Variants in POLD3 observed in about 807,000 individuals in gnomAD.
POLD3 encodes DNA polymerase delta 3, accessory subunit.
A neutral mutation model predicts 58.2 loss-of-function variants in POLD3; 19 were observed. The ratio of observed to expected loss-of-function variants is 0.33; its 90% CI spans 0.23 to 0.48. The LOEUF is 0.48. Among genes scored for constraint, POLD3 ranks in the 20% least tolerant of loss-of-function variants. The probability of loss-of-function intolerance (pLI) is 0.99; values close to 1 mark genes in which losing one functional copy is unlikely to be tolerated. For missense variants in POLD3, 504 were observed against 545.5 expected (o/e 0.92, Z 0.76); for synonymous variants, 172 against 193.5 (o/e 0.89, Z 0.92).
intron 1 of POLD3, 109 bp from the exon 2 acceptor site, chr11:74,593,952 G>T (rs2031128905): frequency 1.5e-6 from 1 of 645,268 alleles, no homozygotes; most frequent in Admixed American, 2.8e-5. Context: ...ATTGTAATTT[G>T]TAAGGCATAA....
chr11:74,628,424 G>A (rs1027656709), intron 8 of POLD3, among the ~76,000 whole-genome samples: 1 of 152,038 alleles, frequency 6.6e-6, no homozygotes, highest in Non-Finnish European at 1.5e-5. Context: ...AAGGAAAGTT[G>A]GTATTTAAAG....
rs377561604 is a variant in POLD3, at chr11:74,607,650, C to T, written c.219+2856C>T. Among the ~76,000 whole-genome samples, 7 of 152,024 alleles carry T rather than the reference C, an allele frequency of 4.6e-5. No individual in the cohort carries two copies. In the South Asian group the frequency reaches 1.0e-3, roughly 23 times the overall value. Reference sequence around the variant, plus strand: ...AGGCTATAGTGCAGTGGCAGAATCTCGGCTTACTGTAGCCTCAATCTCTTG... The same window carrying T: ...AGGCTATAGTGCAGTGGCAGAATCTTGGCTTACTGTAGCCTCAATCTCTTG... On this transcript the variant is annotated intron_variant, in intron 3 of 11. Coordinates refer to ENST00000263681, the MANE Select transcript of POLD3 (RefSeq NM_006591.3).
At chr11:74,668,681 C>A in intron 4 of POLD3, 1 of 848,618 alleles carries the variant, frequency 1.2e-6, no homozygotes, top group Non-Finnish European at 1.7e-6. Context: ...ATTAAAGAGG[C>A]CCGGAGTAGC....
chr11:74,630,259 AAG>A (rs1181335370), intron 9 of POLD3, among the ~76,000 whole-genome samples: 5 of 152,210 alleles, frequency 3.3e-5, no homozygotes, highest in Admixed American at 3.3e-4. Context: ...AAACTACTCT[AAG>A]AGGAATTGAA....
chr11:74,628,592 G>A (rs2032499029), intron 8 of POLD3, among the ~76,000 whole-genome samples: 1 of 152,152 alleles, frequency 6.6e-6, no homozygotes, highest in African/African-American at 2.4e-5. Context: ...TCATGATGGA[G>A]TCTAGGATTT....
chr11:74,646,960 C>T (rs1451575707), downstream of POLD3, among the ~76,000 whole-genome samples: 4 of 152,182 alleles, frequency 2.6e-5, no homozygotes, highest in Non-Finnish European at 5.9e-5. Flanking sequence ...TTTTCCATGG[C>T]CAGATAGGGG....
intron 4 of POLD3, among the ~76,000 whole-genome samples, chr11:74,661,014 C>T (rs1382312726): frequency 6.6e-6 from 1 of 151,656 alleles, no homozygotes; most frequent in Non-Finnish European, 1.5e-5. Flanking sequence ...ATGCCAATTG[C>T]ATTTTTCAAC....
intron 3 of POLD3, among the ~76,000 whole-genome samples, chr11:74,609,830 T>C (rs2031846912): frequency 6.6e-6 from 1 of 152,216 alleles, no homozygotes; most frequent in South Asian, 2.1e-4. Flanking sequence ...ATAGAAATAT[T>C]CCTCATTAAT....
Position 74,625,532 on chromosome 11 carries a change from A to G in POLD3, c.858A>G (p.Lys286=), listed in dbSNP as rs767362047. 6.2e-7 allele frequency: 1 copy of G among 1,613,900 alleles called. No homozygotes were observed. Among genetic ancestry groups the G allele is most frequent in the Non-Finnish European group, 8.5e-7 (1 of 1,179,902 alleles). ...CTGCAGGCCTGAAAAAATCCAGCAA[A>G]AAAGCAGAGCCTGTTAAGGTGCTGC... ...ATPAGLKKSS[K]KAEPVKVLQK... The change falls in exon 8 of 12, where the codon AAA becomes AAG. Residue 286 remains lysine (K), a synonymous_variant. Coordinates refer to ENST00000263681, the MANE Select transcript of POLD3 (RefSeq NM_006591.3).
rs187851732 is a variant in POLD3 at position 74,638,352 on chromosome 11, A to G, written c.1198+2077A>G. On this transcript the variant is annotated intron_variant, in intron 11 of 11. Coordinates refer to ENST00000263681, the MANE Select transcript of POLD3 (RefSeq NM_006591.3). ...GACTGTTTTTTAACTCCCCTGAGCA[A>G]TGTCTCACACAAAATTGGCAATGAG... 4.0e-4 allele frequency among the ~76,000 whole-genome samples: 61 copies of G among 152,272 alleles called. No homozygotes were observed. The East Asian group carries it at 9.1e-3, about 23-fold the overall frequency.
chr11:74,620,547 A>C lies in POLD3; in HGVS notation c.733+458A>C, dbSNP rs115876639. Reference sequence around the variant, plus strand: ...TTCAGTTATTTTTTGCAGATTACTCACAGTAATGAATTAGACTTCCAGTGT... The same window carrying C: ...TTCAGTTATTTTTTGCAGATTACTCCCAGTAATGAATTAGACTTCCAGTGT... On this transcript the variant is annotated intron_variant, in intron 7 of 11. Coordinates refer to ENST00000263681, the MANE Select transcript of POLD3 (RefSeq NM_006591.3). 9.2e-3 allele frequency among the ~76,000 whole-genome samples: 1,407 copies of C among 152,280 alleles called. 27 individuals carry two copies. Among genetic ancestry groups the C allele is most frequent in the African/African-American group, 0.032 (1,328 of 41,538 alleles).
chr11:74,614,488 A>T (rs1029015331), intron 5 of POLD3, among the ~76,000 whole-genome samples: 1 of 152,192 alleles, frequency 6.6e-6, no homozygotes. Flanking sequence ...AGGCAGGTGG[A>T]TCACGAGGTC....
chr11:74,650,299 G>A (rs903311870), intron 4 of POLD3, among the ~76,000 whole-genome samples: 1 of 151,898 alleles, frequency 6.6e-6, no homozygotes, highest in South Asian at 2.1e-4. Context: ...GAGGAGGGAG[G>A]GCTAATGGAC....
chr11:74,640,933 GA>G lies in POLD3; in HGVS notation c.*170del, dbSNP rs2032897307. 1 of 1,262,950 alleles carries G rather than the reference GA, an allele frequency of 7.9e-7. No individual in the cohort carries two copies. The highest frequency in any genetic ancestry group is 9.9e-7 in the Non-Finnish European group (1 of 1,005,540). The allele number at this position is 1,262,950 out of a possible 1,614,324, so 78.2% of individuals were successfully genotyped here. ...ACTATTTCTGGTTTTTAACCAAAAG[GA>G]AATCATCTGGAAGCAGGAGGCAAAA... On this transcript the variant is annotated 3_prime_UTR_variant, in exon 12 of 12. Transcript: ENST00000263681.
chr11:74,620,264 T>G (rs1476755300), intron 7 of POLD3, among the ~76,000 whole-genome samples, 175 bp downstream of exon 7: 1 of 152,188 alleles, frequency 6.6e-6, no homozygotes, highest in Non-Finnish European at 1.5e-5. Context: ...AGCTAGAACT[T>G]TATGGGTGAG....
chr11:74,666,454 C>G (rs1161718757), intron 4 of POLD3, among the ~76,000 whole-genome samples: 1 of 152,156 alleles, frequency 6.6e-6, no homozygotes, highest in Admixed American at 6.5e-5. Context: ...AACCCTGTCT[C>G]TACTAAAAAT....
At chr11:74,624,537 T>C (rs1476533305) in intron 7 of POLD3, among the ~76,000 whole-genome samples, 1 of 152,248 alleles carries the variant, frequency 6.6e-6, no homozygotes, top group African/African-American at 2.4e-5. Context: ...TAACCAAAAC[T>C]ACTTATTGAA....
At chr11:74,636,571 G>A (rs1193503694) in intron 11 of POLD3, among the ~76,000 whole-genome samples, 2 of 152,178 alleles carry the variant, frequency 1.3e-5, no homozygotes, top group African/African-American at 4.8e-5. Flanking sequence ...TTGCCTAAAT[G>A]TGCAGTTATG....
Position 74,642,875 on chromosome 11 carries a change from C to G in POLD3, c.*2109C>G. 1.0e-6 allele frequency: 1 copy of G among 984,902 alleles called. No individual in the cohort carries two copies. The highest frequency in any genetic ancestry group is 1.2e-6 in the Non-Finnish European group (1 of 829,464). The allele number at this position is 984,902 out of a possible 1,614,324, so 61.0% of individuals were successfully genotyped here. ...CAGTCTGAGATGAACAAGTTATTTG[C>G]TGCCTTCATCGTTTTTTTCAGCACT... On this transcript the variant is annotated 3_prime_UTR_variant, in exon 12 of 12. Coordinates refer to ENST00000263681, the MANE Select transcript of POLD3 (RefSeq NM_006591.3).
Sources: allele counts gnomAD v4.1 joint callset (sites outside exome capture counted in the v4.1 genomes callset), GRCh38; gene constraint gnomAD v4.1.1; transcripts MANE v1.5; gene names NCBI Gene and HGNC (gene_info 2026-07-23, HGNC 2026-07-21).